Variants in TLE4 observed in about 807,000 individuals in gnomAD.
TLE4 encodes the protein TLE family member 4, transcriptional corepressor.
Under a neutral mutation model 92.8 loss-of-function variants are expected in TLE4, and 8 were observed. That is an observed-to-expected ratio of 0.09 (90% CI 0.05 to 0.16). The LOEUF (loss-of-function observed/expected upper bound fraction) is 0.16. Among genes scored for constraint, TLE4 ranks in the 10% least tolerant of loss-of-function variants. TLE4 has a pLI of 1.00. For synonymous variants in TLE4, 371 were observed against 374.1 expected, an observed-to-expected ratio of 0.99 and a Z score of 0.10; for missense variants, 675 against 997.6, an observed-to-expected ratio of 0.68 and a Z score of 4.36.
chr9:79,573,398 G>A (rs1356520085), intron 1 of TLE4: 2 of 1,191,764 alleles, frequency 1.7e-6, no homozygotes, highest in South Asian at 2.7e-5. Flanking sequence ...GCGGCGCGCG[G>A]GTCCCTGGGT....
chr9:79,596,048 G>C (rs555602633), intron 4 of TLE4, among the ~76,000 whole-genome samples: 2 of 151,786 alleles, frequency 1.3e-5, no homozygotes, highest in African/African-American at 4.8e-5. Context: ...GGGTTTCACC[G>C]TGTTAGCCAG....
chr9:79,704,715 G>T, intron 8 of TLE4, 68 bp from the exon 9 acceptor site: 1 of 1,561,476 alleles, frequency 6.4e-7, no homozygotes, highest in South Asian at 1.2e-5. Context: ...AGTCTCAAGT[G>T]ACTTAAAAAT....
intron 4 of TLE4, among the ~76,000 whole-genome samples, chr9:79,609,368 T>C (rs1296829863): frequency 6.6e-6 from 1 of 152,096 alleles, no homozygotes; most frequent in Non-Finnish European, 1.5e-5. Flanking sequence ...TTCTGAGATA[T>C]TTTATCCAAA....
intron 15 of TLE4, among the ~76,000 whole-genome samples, chr9:79,719,750 T>C (rs984466936): frequency 5.9e-5 from 9 of 152,186 alleles, no homozygotes; most frequent in Non-Finnish European, 1.0e-4. Flanking sequence ...TGTGTATCTG[T>C]GTGTGCAAAT....
At chr9:79,703,137 T>C (rs2070439892) in intron 8 of TLE4, among the ~76,000 whole-genome samples, 1 of 152,206 alleles carries the variant, frequency 6.6e-6, no homozygotes. Flanking sequence ...TGACCAGTTT[T>C]CTGAATTGAT....
chr9:79,631,615 A>AAT (rs1476658545), intron 6 of TLE4, among the ~76,000 whole-genome samples: 2 of 29,604 alleles, frequency 6.8e-5, no homozygotes, highest in Non-Finnish European at 9.3e-5. Flanking sequence ...TTGAACCTTA[A>AAT]ATGTGTGTGT....
At chr9:79,607,909 T>C (rs1056277829) in intron 4 of TLE4, among the ~76,000 whole-genome samples, 31 of 152,082 alleles carry the variant, frequency 2.0e-4, no homozygotes, top group Admixed American at 8.5e-4. Context: ...ATATGAACTT[T>C]AAAGTAGTTT....
intron 8 of TLE4, among the ~76,000 whole-genome samples, chr9:79,690,779 CTTTTTTTTTT>C (rs35528090): frequency 3.0e-3 from 163 of 54,180 alleles, no homozygotes; most frequent in East Asian, 0.012. Flanking sequence ...CCACTCCTGG[CTTTTTTTTTT>C]TTTTTTTTTT....
intron 8 of TLE4, among the ~76,000 whole-genome samples, chr9:79,670,855 A>G (rs906162623): frequency 8.6e-5 from 13 of 152,040 alleles, no homozygotes; most frequent in Middle Eastern, 3.4e-3. Context: ...TGCCCAATAT[A>G]GTAGGTCCTT....
rs1359470728 is a variant in TLE4, at chr9:79,706,880, A to G, written c.917A>G (p.Lys306Arg). The G allele has an allele frequency of 4.3e-6, 7 of 1,613,940 alleles. No homozygotes were observed. The highest frequency in any genetic ancestry group is 5.9e-6 in the Non-Finnish European group (7 of 1,179,994). The stretch of plus-strand genomic sequence containing the variant: ...TCTTCCAGCAGTACTCCCTCCTCCA[A>G]ATCCAAAGAACTTAGCCTTGTAAGC... ...IASSSSTPSS[K>R]SKELSLNEKS... is the part of the protein sequence containing the mutation. The change falls in exon 11 of 20, where the codon AAA (lysine) becomes AGA (arginine). Residue 306 changes from lysine (K) to arginine (R), a missense_variant. Physicochemically the swap from Lys to Arg is conservative, Grantham distance 26 (BLOSUM62 2). Coordinates refer to ENST00000376552, the MANE Select transcript of TLE4 (RefSeq NM_007005.6).
intron 4 of TLE4, among the ~76,000 whole-genome samples, chr9:79,588,784 G>A (rs1188265543): frequency 6.6e-6 from 1 of 152,164 alleles, no homozygotes; most frequent in Non-Finnish European, 1.5e-5. Flanking sequence ...GAGAGATGGA[G>A]GTTCTTGGCT....
At chr9:79,639,536 AC>A (rs1361747561) in intron 6 of TLE4, among the ~76,000 whole-genome samples, 1 of 152,150 alleles carries the variant, frequency 6.6e-6, no homozygotes, top group Non-Finnish European at 1.5e-5. Flanking sequence ...CTAGGCCTTC[AC>A]ATTTACTCAC....
At chr9:79,714,546 C>T (rs980013314) in intron 14 of TLE4, among the ~76,000 whole-genome samples, 6 of 152,288 alleles carry the variant, frequency 3.9e-5, no homozygotes, top group East Asian at 1.9e-4. Context: ...TCTCTTTACT[C>T]GATGGTATCT....
intron 8 of TLE4, among the ~76,000 whole-genome samples, chr9:79,681,434 A>G (rs749319569): frequency 1.3e-5 from 2 of 152,146 alleles, no homozygotes; most frequent in Non-Finnish European, 2.9e-5. Flanking sequence ...CTTCACATAC[A>G]TTGTTGTAGC....
At chr9:79,706,535 G>A (rs1235381686) in intron 10 of TLE4, among the ~76,000 whole-genome samples, 1 of 150,978 alleles carries the variant, frequency 6.6e-6, no homozygotes, top group Non-Finnish European at 1.5e-5. Context: ...TTTTTCTTTG[G>A]GTTTTAAATA....
chr9:79,652,778 C>G lies in TLE4; in HGVS notation c.576C>G (p.Asp192Glu). The G allele has an allele frequency of 6.2e-7, 1 of 1,614,120 alleles. No individual in the cohort carries two copies. Among genetic ancestry groups the G allele is most frequent in the Non-Finnish European group, 8.5e-7 (1 of 1,180,006 alleles). Residue 192 changes from aspartate (D) to glutamate (E), a missense_variant, in exon 7 of 20, where the codon GAC becomes GAG. Asp to Glu is a conservative substitution (Grantham distance 45, BLOSUM62 2). Coordinates refer to ENST00000376552, the MANE Select transcript of TLE4 (RefSeq NM_007005.6). ...TTAAAGATGAGAAGAAGCACCATGA[C>G]AATGATCACCAAAGAGGTGAGTAAC... is the stretch of plus-strand genomic sequence containing the variant. ...LPIKDEKKHH[D>E]NDHQRDRDSI...
At chr9:79,573,115 C>A in intron 1 of TLE4, 1 of 619,898 alleles carries the variant, frequency 1.6e-6, no homozygotes, top group African/African-American at 1.9e-5. Flanking sequence ...CGCGCCGCGA[C>A]TCCTCGAGGG....
chr9:79,674,151 T>C (rs1315838943), intron 8 of TLE4, among the ~76,000 whole-genome samples: 2 of 152,174 alleles, frequency 1.3e-5, no homozygotes, highest in Non-Finnish European at 2.9e-5. Flanking sequence ...GTGAAAACCA[T>C]GTGCTTTGTA....
chr9:79,672,707 T>A (rs2062611829), intron 8 of TLE4, among the ~76,000 whole-genome samples: 1 of 152,186 alleles, frequency 6.6e-6, no homozygotes, highest in Non-Finnish European at 1.5e-5. Context: ...TTTTGCTTGC[T>A]TAGCTCAGGT....
Sources: gnomAD v4.1 joint callset for allele counts (sites outside exome capture counted in the v4.1 genomes callset) on GRCh38, gnomAD v4.1.1 for gene constraint, MANE v1.5 for transcripts, NCBI Gene and HGNC (gene_info 2026-07-23, HGNC 2026-07-21) for gene names.